The following OPRM1 variants were observed in gnomAD, a reference collection of about 807,000 sequenced individuals.
OPRM1 encodes the protein mu-type opioid receptor.
Under a neutral mutation model 31.8 loss-of-function variants are expected in OPRM1, and 27 were observed. That is an observed-to-expected ratio of 0.85 (90% CI 0.63 to 1.17). The LOEUF (loss-of-function observed/expected upper bound fraction) is 1.17. Among genes scored for constraint, OPRM1 ranks in the 50% most tolerant of loss-of-function variants. The pLI, the probability that OPRM1 is intolerant of heterozygous loss-of-function variation, is 0.00. For synonymous variants in OPRM1, 196 were observed against 189.9 expected (o/e 1.03, Z -0.26); for missense variants, 536 against 511.1 (o/e 1.05, Z -0.47).
chr6:154,159,867 C>A (rs772792412), intron 3 of OPRM1: 11 of 1,611,762 alleles, frequency 6.8e-6, no homozygotes, highest in African/African-American at 6.7e-5. Flanking sequence ...AAGGTGATTT[C>A]TTGAGTTCCT....
In OPRM1 at chr6:154,013,135, C is replaced by G. The variant is rs920498083; in HGVS notation, c.-1+2117C>G. Among the ~76,000 whole-genome samples, 4 of 152,112 alleles carry G rather than the reference C, an allele frequency of 2.6e-5. No homozygotes were observed. In the East Asian group the frequency reaches 7.7e-4, roughly 29 times the overall value. ...CTGCCAAAAAGAGGAAGAGAGTTTT[C>G]AAGTGGACGTTAGCCTTGAGCCTCA... On this transcript the variant is annotated intron_variant, in intron 1 of 5. Transcript: ENST00000434900.
chr6:154,177,348 G>A (rs1016495755), intron 3 of OPRM1, among the ~76,000 whole-genome samples: 3 of 152,164 alleles, frequency 2.0e-5, no homozygotes, highest in Admixed American at 6.5e-5. Flanking sequence ...AAAGTGAACA[G>A]GCAACCTACA....
At chr6:154,075,060 A>T (rs1348638717) in intron 1 of OPRM1, among the ~76,000 whole-genome samples, 1 of 152,228 alleles carries the variant, frequency 6.6e-6, no homozygotes, top group Non-Finnish European at 1.5e-5. Flanking sequence ...ATTCAGGAAC[A>T]TACAAAAGAG....
chr6:154,152,347 G>GAAAGGAAAGAAAGAAAGAAAGAAA, intron 3 of OPRM1, among the ~76,000 whole-genome samples: 16 of 65,122 alleles, frequency 2.5e-4, no homozygotes, highest in South Asian at 6.4e-4. Context: ...AAGAAAGAAA[G>GAAAGGAAAGAAAGAAAGAAAGAAA]GAAAGAAAGA....
chr6:154,182,026 C>A (rs1211788113), intron 3 of OPRM1, among the ~76,000 whole-genome samples: 1 of 152,014 alleles, frequency 6.6e-6, no homozygotes, highest in Non-Finnish European at 1.5e-5. Flanking sequence ...CACATCTGCG[C>A]ATGTATCCCA....
At position 154,126,971 on chromosome 6, in the gene OPRM1, T is replaced by C. The variant is rs373854914; in HGVS notation, c.*8250T>C. On this transcript the variant is annotated 3_prime_UTR_variant, in exon 4 of 4. Coordinates refer to ENST00000330432, the MANE Select transcript of OPRM1 (RefSeq NM_000914.5). ...CTAAAAATACAAAATTAGGAAGGCGTGGTGGTGCACGCCTGTAATCCCAGC... is the reference window on the plus strand; with the variant it reads ...CTAAAAATACAAAATTAGGAAGGCGCGGTGGTGCACGCCTGTAATCCCAGC... Among the ~76,000 whole-genome samples, 7 of 151,980 alleles carry C rather than the reference T, an allele frequency of 4.6e-5. No individual in the cohort carries two copies. Among genetic ancestry groups the C allele is most frequent in the Admixed American group, 1.3e-4 (2 of 15,264 alleles).
upstream of OPRM1, among the ~76,000 whole-genome samples, chr6:154,036,859 A>G (rs1310809241): frequency 2.0e-5 from 3 of 151,978 alleles, no homozygotes; most frequent in Admixed American, 2.0e-4. Flanking sequence ...ATTAATATTC[A>G]TATATGTTTA....
At chr6:154,099,517 ATG>A (rs1794118654) in intron 3 of OPRM1, among the ~76,000 whole-genome samples, 1 of 151,162 alleles carries the variant, frequency 6.6e-6, no homozygotes, top group Admixed American at 6.6e-5. Context: ...GAAGGAAAGA[ATG>A]AGAGAAAGAG....
At chr6:154,176,497 GC>G (rs573017812) in intron 3 of OPRM1, among the ~76,000 whole-genome samples, 257 of 152,182 alleles carry the variant, frequency 1.7e-3, no homozygotes, top group African/African-American at 5.7e-3. Flanking sequence ...AAATCAATGT[GC>G]AAAAATCACA....
intron 3 of OPRM1, among the ~76,000 whole-genome samples, chr6:154,097,586 CGTGTGTGT>C (rs5881063): frequency 1.3e-5 from 2 of 149,610 alleles, no homozygotes; most frequent in Non-Finnish European, 3.0e-5. Context: ...AAAATGGTTC[CGTGTGTGT>C]GTGTGTGTGT....
At chr6:154,054,857 A>G (rs574807692) in intron 1 of OPRM1, among the ~76,000 whole-genome samples, 12 of 152,316 alleles carry the variant, frequency 7.9e-5, no homozygotes, top group South Asian at 4.1e-4. Context: ...TACTTGATAA[A>G]TATACACACC....
chr6:154,086,164 A>T (rs1790512452), intron 1 of OPRM1, among the ~76,000 whole-genome samples: 1 of 152,104 alleles, frequency 6.6e-6, no homozygotes, highest in African/African-American at 2.4e-5. Context: ...TGATTAGACC[A>T]TCTCTTCAGA....
intron 3 of OPRM1, among the ~76,000 whole-genome samples, chr6:154,109,880 G>A (rs609148): frequency 0.21 from 31,192 of 150,546 alleles, 3,459 homozygotes; most frequent in Non-Finnish European, 0.25. Flanking sequence ...CAGTTCTCCA[G>A]TTCATCTGAG....
At chr6:154,195,838 C>T (rs1776575543) in intron 3 of OPRM1, among the ~76,000 whole-genome samples, 1 of 148,054 alleles carries the variant, frequency 6.8e-6, no homozygotes, top group African/African-American at 2.5e-5. Flanking sequence ...GTCACCCAGG[C>T]TGGGGTGCAG....
chr6:154,072,223 A>G (rs1006799034), intron 1 of OPRM1, among the ~76,000 whole-genome samples: 1 of 152,178 alleles, frequency 6.6e-6, no homozygotes, highest in Admixed American at 6.5e-5. Context: ...TCATAATTAA[A>G]CAAATATATA....
intron 3 of OPRM1, among the ~76,000 whole-genome samples, chr6:154,232,982 T>C (rs1401195070): frequency 6.6e-6 from 1 of 151,404 alleles, no homozygotes; most frequent in Non-Finnish European, 1.5e-5. Context: ...TTTTTTTTTT[T>C]TTTGAGATGG....
At chr6:154,019,747 C>CTTTTCTTTTTTTTTTTTTT (rs61209522) in intron 1 of OPRM1, among the ~76,000 whole-genome samples, 16 of 121,988 alleles carry the variant, frequency 1.3e-4, no homozygotes, top group African/African-American at 5.1e-4. Flanking sequence ...CTTTTCTTTT[C>CTTTTCTTTTTTTTTTTTTT]TTTTTTTTTT....
rs1055759123 is a variant in OPRM1, at chr6:154,123,757, C to T, written c.*5036C>T. 1.3e-5 allele frequency among the ~76,000 whole-genome samples: 2 copies of T among 152,088 alleles called. No individual in the cohort carries two copies. Among genetic ancestry groups the T allele is most frequent in the Non-Finnish European group, 2.9e-5 (2 of 68,012 alleles). On this transcript the variant is annotated 3_prime_UTR_variant, in exon 4 of 4. Coordinates refer to ENST00000330432, the MANE Select transcript of OPRM1 (RefSeq NM_000914.5). ...CATTGCCATGGCATTTGTAAACTGT[C>T]GTGGTACTGGTGGGAATGTTTTTTA... is the stretch of plus-strand genomic sequence containing the variant.
chr6:154,189,725 T>C (rs1456713629), intron 3 of OPRM1, among the ~76,000 whole-genome samples: 4 of 151,918 alleles, frequency 2.6e-5, no homozygotes, highest in Admixed American at 2.6e-4. Flanking sequence ...TCCCAGCACT[T>C]TGGGAGGCCG....
Sources: gnomAD v4.1 joint callset for allele counts (sites outside exome capture counted in the v4.1 genomes callset) on GRCh38, gnomAD v4.1.1 for gene constraint, MANE v1.5 for transcripts, NCBI Gene and HGNC (gene_info 2026-07-23, HGNC 2026-07-21) for gene names.